FBXO28: variants seen among roughly 807,000 people sequenced by gnomAD.
FBXO28 encodes F-box only protein 28.
Under a neutral mutation model 38.1 loss-of-function variants are expected in FBXO28, and 8 were observed. The observed-to-expected ratio is 0.21, with a 90% confidence interval of 0.12 to 0.38. The LOEUF (loss-of-function observed/expected upper bound fraction) is 0.38. Among genes scored for constraint, FBXO28 ranks in the 10% least tolerant of loss-of-function variants. FBXO28 has a pLI of 1.00. For missense variants in FBXO28, 345 were observed against 460.6 expected, an observed-to-expected ratio of 0.75 and a Z score of 2.30; for synonymous variants, 168 against 173.8, an observed-to-expected ratio of 0.97 and a Z score of 0.26.
intron 1 of FBXO28, among the ~76,000 whole-genome samples, chr1:224,122,663 A>G (rs1022431370): frequency 1.3e-5 from 2 of 151,914 alleles, no homozygotes; most frequent in African/African-American, 4.8e-5. Context: ...TTTGAAGACT[A>G]GGCCAGATGG....
intron 1 of FBXO28, among the ~76,000 whole-genome samples, chr1:224,119,133 TTC>T (rs1374874912): frequency 7.3e-5 from 5 of 68,386 alleles, no homozygotes; most frequent in South Asian, 5.7e-4. Flanking sequence ...TTTCTTTTTT[TTC>T]TTTTTTTTTT....
intron 1 of FBXO28, among the ~76,000 whole-genome samples, chr1:224,120,381 TTATG>T (rs1473643409): frequency 1.3e-5 from 2 of 152,236 alleles, no homozygotes; most frequent in African/African-American, 4.8e-5. Context: ...TCTCTGAACT[TTATG>T]TAGGTAATAT....
At chr1:224,134,256 T>TA in intron 3 of FBXO28, 44 bp downstream of exon 3, 3 of 1,585,042 alleles carry the variant, frequency 1.9e-6, no homozygotes, top group Non-Finnish European at 2.6e-6. Flanking sequence ...CTGCCCTACA[T>TA]AAACTTATTA....
intron 3 of FBXO28, among the ~76,000 whole-genome samples, chr1:224,142,894 C>T (rs1657395120): frequency 1.3e-5 from 2 of 151,826 alleles, no homozygotes; most frequent in Non-Finnish European, 2.9e-5. Flanking sequence ...TGCAGTGAGC[C>T]GAGATCTTGC....
chr1:224,120,756 A>C (rs1656752576), intron 1 of FBXO28, among the ~76,000 whole-genome samples: 1 of 151,856 alleles, frequency 6.6e-6, no homozygotes, highest in Non-Finnish European at 1.5e-5. Context: ...CCAGCTACTC[A>C]GGAGGCTGAG....
intron 1 of FBXO28, among the ~76,000 whole-genome samples, chr1:224,127,803 A>G (rs1429999206): frequency 6.6e-6 from 1 of 152,130 alleles, no homozygotes; most frequent in African/African-American, 2.4e-5. Context: ...GCTACTCGGG[A>G]GGCTGAGGCA....
In FBXO28 at chr1:224,135,611, C is replaced by CA. The variant is rs71168313; in HGVS notation, c.516+1423dup. On this transcript the variant is annotated intron_variant, in intron 3 of 4. Transcript: ENST00000366862. ...TGGGCAACAGAGCAAGACTCTGTCT[C>CA]AAAAAAAAAAAAAAAAAAAAAAAAG... Among the ~76,000 whole-genome samples the CA allele has an allele frequency of 8.1e-3, 892 of 110,702 alleles. 54 individuals are homozygous for CA. The highest frequency in any genetic ancestry group is 0.027 in the African/African-American group (720 of 26,202). The allele number at this position is 110,702 out of a possible 152,430, so 72.6% of individuals were successfully genotyped here.
intron 1 of FBXO28, among the ~76,000 whole-genome samples, chr1:224,117,231 A>G (rs946536691): frequency 2.4e-4 from 31 of 127,896 alleles, no homozygotes; most frequent in Non-Finnish European, 9.2e-5. Flanking sequence ...CAGTGGTGCC[A>G]TCTTGGCTCA....
intron 3 of FBXO28, among the ~76,000 whole-genome samples, chr1:224,139,791 T>TACATACAC (rs1657300285): frequency 1.3e-5 from 2 of 151,830 alleles, no homozygotes; most frequent in African/African-American, 4.8e-5. Context: ...CATACATACA[T>TACATACAC]ACATACATAC....
At position 224,158,190 on chromosome 1, in the gene FBXO28, T is replaced by G. The variant is rs1657815714; in HGVS notation, c.*444T>G. On this transcript the variant is annotated 3_prime_UTR_variant, in exon 5 of 5. Transcript: ENST00000366862. ...TTGGTTCTTTTTTTTTTAAGTCATC[T>G]TTTTGTTATAAGTGACCTTTGTCTG... 1.0e-6 allele frequency: 1 copy of G among 987,512 alleles called. No homozygotes were observed. Among genetic ancestry groups the G allele is most frequent in the African/African-American group, 1.7e-5 (1 of 57,252 alleles). The allele number at this position is 987,512 out of a possible 1,614,324, so 61.2% of individuals were successfully genotyped here.
intron 1 of FBXO28, among the ~76,000 whole-genome samples, chr1:224,119,734 G>GT (rs1375435334): frequency 1.3e-5 from 2 of 151,960 alleles, no homozygotes; most frequent in African/African-American, 4.8e-5. Flanking sequence ...AAGATAATAA[G>GT]TTTTTATCCA....
intron 3 of FBXO28, among the ~76,000 whole-genome samples, chr1:224,151,129 A>G (rs561991922): frequency 6.6e-6 from 1 of 152,326 alleles, no homozygotes; most frequent in East Asian, 1.9e-4. Context: ...CTCGTAATAT[A>G]GTAATATTGC....
At chr1:224,122,211 C>T (rs758116560) in intron 1 of FBXO28, among the ~76,000 whole-genome samples, 5 of 152,054 alleles carry the variant, frequency 3.3e-5, no homozygotes, top group Non-Finnish European at 7.4e-5. Flanking sequence ...GGTTGTGATT[C>T]GTTCATTATT....
chr1:224,114,204 CT>C lies in FBXO28; in HGVS notation c.76del (p.Ser26ProfsTer45). The C allele has an allele frequency of 6.5e-7, 1 of 1,549,210 alleles. No individual in the cohort carries two copies. The highest frequency in any genetic ancestry group is 8.7e-7 in the Non-Finnish European group (1 of 1,146,820). ...GQGDGGSSLA[S>X]GSTQRQPPPP... is the part of the protein sequence containing the mutation. ...AAGGCGACGGCGGTTCCTCTTTGGCCTCCGGCTCTACCCAGCGACAGCCTCC... is the reference window on the plus strand; with the variant it reads ...AAGGCGACGGCGGTTCCTCTTTGGCCCCGGCTCTACCCAGCGACAGCCTCC... On this transcript the variant is annotated frameshift_variant, in exon 1 of 5. Transcript: ENST00000366862. LOFTEE classifies it high-confidence loss of function.
At position 224,161,873 on chromosome 1, in the gene FBXO28, G is replaced by A. The variant is rs1367893492; in HGVS notation, c.*4127G>A. The A allele has an allele frequency of 1.3e-5, 2 of 152,164 alleles. No homozygotes were observed. Among genetic ancestry groups the A allele is most frequent in the African/African-American group, 4.8e-5 (2 of 41,436 alleles). 9.4% of individuals were successfully genotyped at this position (152,164 alleles called of 1,614,324 possible). On this transcript the variant is annotated 3_prime_UTR_variant, in exon 5 of 5. Coordinates refer to ENST00000366862, the MANE Select transcript of FBXO28 (RefSeq NM_015176.4). ...AAACCTATTCCAAAAGGTTAGAAGT[G>A]TTTAAGATTCCTTTATTGTGGTACC...
At chr1:224,119,679 A>G (rs1656728111) in intron 1 of FBXO28, among the ~76,000 whole-genome samples, 1 of 152,198 alleles carries the variant, frequency 6.6e-6, no homozygotes, top group Admixed American at 6.5e-5. Context: ...GATGGTAAAT[A>G]TGAGTGTTGA....
At chr1:224,116,236 CCT>C (rs749172946) in intron 1 of FBXO28, among the ~76,000 whole-genome samples, 2 of 151,982 alleles carry the variant, frequency 1.3e-5, no homozygotes, top group Non-Finnish European at 2.9e-5. Context: ...AATGGATAAT[CCT>C]TTGTGGGGAG....
At chr1:224,119,085 GTATTGCTC>G (rs1394972052) in intron 1 of FBXO28, among the ~76,000 whole-genome samples, 1 of 148,432 alleles carries the variant, frequency 6.7e-6, no homozygotes, top group Non-Finnish European at 1.5e-5. Flanking sequence ...CCACTGCTCT[GTATTGCTC>G]TATTCCAGAG....
intron 1 of FBXO28, among the ~76,000 whole-genome samples, chr1:224,117,076 G>A (rs973141878): frequency 1.7e-4 from 26 of 152,074 alleles, no homozygotes; most frequent in Non-Finnish European, 1.3e-4. Context: ...GGGAGACTGA[G>A]GTGGGAGAAT....
Sources: gnomAD v4.1 joint callset for allele counts (sites outside exome capture counted in the v4.1 genomes callset) on GRCh38, gnomAD v4.1.1 for gene constraint, MANE v1.5 for transcripts, NCBI Gene and HGNC (gene_info 2026-07-23, HGNC 2026-07-21) for gene names.